SMARCC1: variants seen among roughly 807,000 people sequenced by gnomAD.
SMARCC1 encodes SWI/SNF complex subunit SMARCC1.
SMARCC1 carries 43 observed loss-of-function variants against 147.4 expected under a neutral mutation model. The observed-to-expected ratio is 0.29, with a 90% CI of 0.23 to 0.38. SMARCC1 has a LOEUF of 0.38. Among genes scored for constraint, SMARCC1 ranks in the 10% least tolerant of loss-of-function variants. The pLI is 1.00. For missense variants in SMARCC1, 1,119 were observed against 1,381.1 expected (o/e 0.81, Z 3.01); for synonymous variants, 495 against 484.4 (o/e 1.02, Z -0.29).
chr3:47,618,215 T>C (rs747269396), intron 25 of SMARCC1, among the ~76,000 whole-genome samples: 9 of 152,240 alleles, frequency 5.9e-5, no homozygotes, highest in Non-Finnish European at 2.9e-5. Context: ...TTATGAAATA[T>C]TGTGTGTGAT....
At chr3:47,692,818 C>T (rs939566537) in intron 12 of SMARCC1, among the ~76,000 whole-genome samples, 6 of 151,836 alleles carry the variant, frequency 4.0e-5, no homozygotes, top group African/African-American at 1.2e-4. Context: ...GTCAGGAGTT[C>T]GAGACAGGCC....
chr3:47,676,639 C>G lies in SMARCC1; in HGVS notation c.1715G>C (p.Arg572Pro), dbSNP rs371390713. 3.1e-6 allele frequency: 5 copies of G among 1,613,560 alleles called. No individual in the cohort carries two copies. In the South Asian group the frequency reaches 5.5e-5, roughly 18 times the overall value. The change falls in exon 17 of 28, where the codon CGA becomes CCA. Residue 572 changes from arginine (R) to proline (P), a missense_variant. Arg to Pro is a moderately radical substitution (Grantham distance 103). This residue lies in a region of SMARCC1 where 178 missense variants were observed against 264.6 expected (regional missense o/e 0.67). Transcript: ENST00000254480. ...TCAACATTAATTTACCTGAGGTGAT[C>G]GAAGATGCAGAGGCACAAGCCCAGA... ...TPSGLVPLHL[R>P]SPQVPAAQQM...
At chr3:47,703,238 A>G (rs1411954314) in intron 10 of SMARCC1, among the ~76,000 whole-genome samples, 1 of 152,112 alleles carries the variant, frequency 6.6e-6, no homozygotes, top group Non-Finnish European at 1.5e-5. Flanking sequence ...CCGGCCTCCA[A>G]AAAGTTTTTA....
intron 25 of SMARCC1, among the ~76,000 whole-genome samples, chr3:47,621,427 T>A (rs1018318089): frequency 6.6e-6 from 1 of 152,078 alleles, no homozygotes; most frequent in African/African-American, 2.4e-5. Flanking sequence ...AATAGTGGAC[T>A]GGATAAAGAA....
chr3:47,704,094 G>A (rs1000690395), intron 10 of SMARCC1, among the ~76,000 whole-genome samples: 3 of 152,068 alleles, frequency 2.0e-5, no homozygotes, highest in South Asian at 2.1e-4. Flanking sequence ...CACTGCACCC[G>A]GCCTTTATTT....
intron 2 of SMARCC1, among the ~76,000 whole-genome samples, chr3:47,751,556 G>A (rs55818541): frequency 4.6e-4 from 66 of 143,756 alleles, no homozygotes; most frequent in East Asian, 2.5e-3. Context: ...AAAAAAAAAA[G>A]AAAACAAAAC....
At chr3:47,588,341 G>A (rs1328749185) in intron 27 of SMARCC1, 35 bp from the exon 28 acceptor site, 2 of 1,581,692 alleles carry the variant, frequency 1.3e-6, no homozygotes, top group Non-Finnish European at 1.7e-6. Context: ...CGTTATTGCT[G>A]GAAATACAAG....
chr3:47,728,990 T>C (rs775994781), intron 6 of SMARCC1, 35 bp downstream of exon 6: 12 of 1,360,676 alleles, frequency 8.8e-6, no homozygotes, highest in Non-Finnish European at 1.3e-5. Flanking sequence ...GTATGATGTA[T>C]GAGCTCATCT....
At chr3:47,742,462 T>G (rs1481908524) in intron 3 of SMARCC1, among the ~76,000 whole-genome samples, 2 of 152,198 alleles carry the variant, frequency 1.3e-5, no homozygotes, top group Non-Finnish European at 2.9e-5. Flanking sequence ...TTCAGTTACA[T>G]ATAACTATAC....
chr3:47,679,806 T>A (rs2033618893), intron 15 of SMARCC1, among the ~76,000 whole-genome samples: 1 of 142,608 alleles, frequency 7.0e-6, no homozygotes, highest in Non-Finnish European at 1.5e-5. Flanking sequence ...AGGCTGCAGT[T>A]AGCTGAGATT....
chr3:47,643,674 A>G (rs952967956), intron 21 of SMARCC1, among the ~76,000 whole-genome samples: 4 of 152,234 alleles, frequency 2.6e-5, no homozygotes, highest in South Asian at 2.1e-4. Flanking sequence ...GTTTGTGATA[A>G]AAGTTATTTT....
chr3:47,764,234 A>G (rs2034809120), intron 2 of SMARCC1, among the ~76,000 whole-genome samples: 1 of 151,518 alleles, frequency 6.6e-6, no homozygotes, highest in Non-Finnish European at 1.5e-5. Context: ...TAGGGTCTCA[A>G]TATGTTGCTC....
chr3:47,734,668 T>C (rs1271351039), intron 5 of SMARCC1, among the ~76,000 whole-genome samples: 3 of 152,178 alleles, frequency 2.0e-5, no homozygotes, highest in Admixed American at 6.5e-5. Flanking sequence ...ATGTAGTAAA[T>C]ACCCAAAGTC....
intron 21 of SMARCC1, among the ~76,000 whole-genome samples, chr3:47,644,460 C>T (rs2033092231): frequency 6.6e-6 from 1 of 152,182 alleles, no homozygotes. Context: ...TGTACCTCTG[C>T]ACTCCCGCCT....
At chr3:47,737,418 TAATAA>T (rs2034456454) in intron 4 of SMARCC1, among the ~76,000 whole-genome samples, 2 of 151,738 alleles carry the variant, frequency 1.3e-5, no homozygotes, top group Admixed American at 6.6e-5. Context: ...AAAAATAAAA[TAATAA>T]AATAAAGACA....
In SMARCC1 at chr3:47,636,017, A is replaced by G. The variant is rs1231402058; in HGVS notation, c.2491+5T>C. The G allele has an allele frequency of 7.0e-7, 1 of 1,419,444 alleles. No homozygotes were observed. The highest frequency in any genetic ancestry group is 9.9e-7 in the Non-Finnish European group (1 of 1,013,644). The allele number at this position is 1,419,444 out of a possible 1,614,324, so 87.9% of individuals were successfully genotyped here. A position where few individuals can be genotyped will look rare whatever the true frequency, so the allele number is the denominator to read the frequency against. On this transcript the variant is annotated splice_donor_5th_base_variant and intron_variant, in intron 23 of 27. Coordinates refer to ENST00000254480, the MANE Select transcript of SMARCC1 (RefSeq NM_003074.4). The stretch of plus-strand genomic sequence containing the variant: ...AATAATATCTAAGGAGTTTCCTCAA[A>G]TTACCTGATTTGGTATCCTCACTCA...
Position 47,588,062 on chromosome 3 carries a change from A to G in SMARCC1, c.*147T>C. On this transcript the variant is annotated 3_prime_UTR_variant, in exon 28 of 28. Transcript: ENST00000254480. ...AAAAAGTGTCAGAGAGAGGGGTGGT[A>G]AGAGGAGTGGGGAGGCACGGGACAC... The G allele has an allele frequency of 1.6e-6, 1 of 628,624 alleles. No homozygotes were observed. The highest frequency in any genetic ancestry group is 2.8e-5 in the East Asian group (1 of 35,384). 38.9% of individuals were successfully genotyped at this position (628,624 alleles called of 1,614,324 possible).
chr3:47,758,267 T>G (rs1576433291), intron 2 of SMARCC1, among the ~76,000 whole-genome samples: 1 of 151,960 alleles, frequency 6.6e-6, no homozygotes, highest in East Asian at 1.9e-4. Context: ...CCACAGGAGT[T>G]TGCCAACATG....
At chr3:47,725,458 A>C (rs1335544104) in intron 6 of SMARCC1, among the ~76,000 whole-genome samples, 3 of 151,878 alleles carry the variant, frequency 2.0e-5, no homozygotes, top group African/African-American at 4.8e-5. Flanking sequence ...TTATATATAT[A>C]TATTTTTTTG....
Sources: allele counts gnomAD v4.1 joint callset (sites outside exome capture counted in the v4.1 genomes callset), GRCh38; gene constraint gnomAD v4.1.1; regional missense constraint gnomAD v4.1.1; transcripts MANE v1.5; gene names NCBI Gene and HGNC (gene_info 2026-07-23, HGNC 2026-07-21).